OPHN1: variants seen among roughly 807,000 people sequenced by gnomAD.
OPHN1 encodes the protein oligophrenin 1, also known as oligophrenin-1.
OPHN1 carries 11 observed loss-of-function variants against 60.7 expected under a neutral mutation model. The observed-to-expected ratio is 0.18, with a 90% CI of 0.11 to 0.30. The LOEUF (loss-of-function observed/expected upper bound fraction) is 0.30. Ranked by LOEUF, OPHN1 falls within the 10% of genes least tolerant of loss-of-function variation. The pLI, the probability that OPHN1 is intolerant of heterozygous loss-of-function variation, is 1.00. For synonymous variants in OPHN1, 226 were observed against 222.6 expected (o/e 1.02, Z -0.14); for missense variants, 449 against 611.0 (o/e 0.73, Z 2.80).
chrX:68,407,397 C>CA (rs1311535572), intron 2 of OPHN1, among the ~76,000 whole-genome samples: 1 of 111,202 alleles, frequency 9.0e-6, no homozygotes, highest in Non-Finnish European at 1.9e-5. Flanking sequence ...TGTTCCAAAA[C>CA]ACAAGGCATA....
chrX:68,249,682 G>A (rs2077823947), intron 5 of OPHN1, among the ~76,000 whole-genome samples: 1 of 111,663 alleles, frequency 9.0e-6, no homozygotes, highest in African/African-American at 3.3e-5. Flanking sequence ...CCACTTGGAA[G>A]GAGATGTGAG....
intron 2 of OPHN1, among the ~76,000 whole-genome samples, chrX:68,362,901 G>C (rs761321781): frequency 9.0e-6 from 1 of 111,227 alleles, no homozygotes; most frequent in East Asian, 2.8e-4. Context: ...GGAGGTATAT[G>C]AGGACTCTGT....
chrX:68,107,607 G>T (rs1439938458), intron 18 of OPHN1, among the ~76,000 whole-genome samples: 1 of 111,317 alleles, frequency 9.0e-6, no homozygotes, highest in Non-Finnish European at 1.9e-5. Flanking sequence ...CTCCAGAGTA[G>T]TTGGGATTAC....
intron 19 of OPHN1, among the ~76,000 whole-genome samples, chrX:68,085,673 G>A (rs1453386965): frequency 8.9e-6 from 1 of 112,085 alleles, no homozygotes; most frequent in Non-Finnish European, 1.9e-5. Flanking sequence ...AAAGGAGGAA[G>A]GAAAGAGAAT....
intron 19 of OPHN1, among the ~76,000 whole-genome samples, chrX:68,091,398 C>T (rs1245891815): frequency 1.8e-5 from 2 of 110,833 alleles, no homozygotes; most frequent in Admixed American, 9.7e-5. Context: ...TTGCAAAGCA[C>T]AAGTTAGACA....
At chrX:68,219,498 C>T (rs2147496892) in intron 6 of OPHN1, among the ~76,000 whole-genome samples, 1 of 108,835 alleles carries the variant, frequency 9.2e-6, no homozygotes, top group South Asian at 4.2e-4. Context: ...CACCACACCA[C>T]ACCTATTCCA....
chrX:68,379,662 G>A (rs1322790414), intron 2 of OPHN1, among the ~76,000 whole-genome samples: 1 of 109,394 alleles, frequency 9.1e-6, no homozygotes, highest in Non-Finnish European at 1.9e-5. Context: ...TTTGTCAAAG[G>A]CCTTTTCTGC....
intron 2 of OPHN1, among the ~76,000 whole-genome samples, chrX:68,378,816 T>C (rs753209104): frequency 8.3e-4 from 93 of 111,896 alleles, no homozygotes; most frequent in African/African-American, 2.9e-3. Context: ...ACCAGTACCA[T>C]GCTGTTTTGG....
At chrX:68,314,276 C>T (rs1012180833) in intron 2 of OPHN1, among the ~76,000 whole-genome samples, 1 of 112,050 alleles carries the variant, frequency 8.9e-6, no homozygotes, top group African/African-American at 3.2e-5. Flanking sequence ...AATCCCAGCA[C>T]TTTGGGAGGC....
At chrX:68,405,740 G>C (rs192898809) in intron 2 of OPHN1, among the ~76,000 whole-genome samples, 15 of 111,709 alleles carry the variant, frequency 1.3e-4, no homozygotes, top group Admixed American at 1.3e-3. Context: ...AAAAGGAAAG[G>C]GTCCACATTC....
At chrX:68,283,647 C>T (rs1047163054) in intron 3 of OPHN1, among the ~76,000 whole-genome samples, 1 of 111,899 alleles carries the variant, frequency 8.9e-6, no homozygotes, top group African/African-American at 3.2e-5. Context: ...AAATCACTTC[C>T]TTTCTCAGAA....
At chrX:68,106,056 GCA>G (rs994788652) in intron 18 of OPHN1, among the ~76,000 whole-genome samples, 4 of 99,847 alleles carry the variant, frequency 4.0e-5, no homozygotes, top group African/African-American at 7.5e-5. Flanking sequence ...AAAAATGCAT[GCA>G]CACACACACA....
intron 2 of OPHN1, among the ~76,000 whole-genome samples, chrX:68,320,116 G>A (rs764500289): frequency 2.7e-5 from 3 of 111,600 alleles, no homozygotes; most frequent in South Asian, 7.6e-4. Context: ...TTGAGAGGCT[G>A]AGATGGGTGG....
intron 19 of OPHN1, among the ~76,000 whole-genome samples, chrX:68,091,173 A>G (rs965553891): frequency 2.7e-5 from 3 of 111,476 alleles, no homozygotes; most frequent in Admixed American, 9.6e-5. Context: ...TCCATTTCCT[A>G]TCTCAGAAAT....
chrX:68,283,446 TATAG>T (rs979086202), intron 3 of OPHN1, among the ~76,000 whole-genome samples: 3 of 111,891 alleles, frequency 2.7e-5, no homozygotes, highest in Non-Finnish European at 3.8e-5. Flanking sequence ...AATTGGCAGC[TATAG>T]AACCCTGAAA....
chrX:68,070,707 A>G, intron 20 of OPHN1: 1 of 1,084,952 alleles, frequency 9.2e-7, no homozygotes, highest in Middle Eastern at 2.7e-4. Flanking sequence ...CACCTCATCC[A>G]TGAGGGCTTT....
chrX:68,213,554 A>AG (rs1392207033), intron 7 of OPHN1, among the ~76,000 whole-genome samples: 5 of 109,298 alleles, frequency 4.6e-5, no homozygotes, highest in Non-Finnish European at 7.6e-5. Context: ...AAGCGCAAGA[A>AG]GAAGGAAGGG....
chrX:68,054,878 AT>A (rs955537810), intron 21 of OPHN1, among the ~76,000 whole-genome samples: 52 of 112,030 alleles, frequency 4.6e-4, no homozygotes, highest in African/African-American at 1.6e-3. Context: ...ATATTCATCC[AT>A]TTTTTTCTAC....
chrX:68,196,191 A>C (rs921651194), intron 12 of OPHN1, among the ~76,000 whole-genome samples: 24 of 111,980 alleles, frequency 2.1e-4, no homozygotes, highest in African/African-American at 7.8e-4. Flanking sequence ...GAGGACACAT[A>C]GAAAGAAAAA....
Sources: allele counts gnomAD v4.1 joint callset (sites outside exome capture counted in the v4.1 genomes callset), GRCh38; gene constraint gnomAD v4.1.1; transcripts MANE v1.5; gene names NCBI Gene and HGNC (gene_info 2026-07-23, HGNC 2026-07-21).